Variants in SCAP observed in about 807,000 individuals in gnomAD.
SCAP encodes SREBF chaperone.
SCAP carries 65 observed loss-of-function variants against 123.6 expected under a neutral mutation model. The ratio of observed to expected loss-of-function variants is 0.53; its 90% CI spans 0.43 to 0.65. SCAP has a LOEUF of 0.65. Ranked by LOEUF, SCAP falls within the 30% of genes least tolerant of loss-of-function variation. The pLI is 0.00. For missense variants in SCAP, 1,398 were observed against 1,712.5 expected, an observed-to-expected ratio of 0.82 and a Z score of 3.24; for synonymous variants, 740 against 726.3, an observed-to-expected ratio of 1.02 and a Z score of -0.30.
Position 47,414,380 on chromosome 3 carries a change from C to T in SCAP, c.3394G>A (p.Val1132Met). The change falls in exon 22 of 23, where the codon GTG (valine) becomes ATG (methionine). Residue 1132 changes from valine to methionine, a missense_variant. Transcript: ENST00000265565. ...CCATCTTGTCCTCCACTGGCCAGCA[C>T]CATGGTCTGGGGAAACAGGCCAGGG... is the stretch of plus-strand genomic sequence containing the variant. ...ITTVYIDQTM[V>M]LASGGQDGAI... 1.2e-6 allele frequency: 2 copies of T among 1,612,686 alleles called. No homozygotes were observed. Among genetic ancestry groups the T allele is most frequent in the Non-Finnish European group, 1.7e-6 (2 of 1,180,008 alleles).
intron 1 of SCAP, among the ~76,000 whole-genome samples, chr3:47,446,684 G>A (rs1425812886): frequency 6.6e-6 from 1 of 151,972 alleles, no homozygotes; most frequent in African/African-American, 2.4e-5. Flanking sequence ...ACTCATGCCT[G>A]TAATCCCAAC....
At chr3:47,468,188 A>G (rs1202015544) in intron 1 of SCAP, among the ~76,000 whole-genome samples, 2 of 152,188 alleles carry the variant, frequency 1.3e-5, no homozygotes, top group African/African-American at 4.8e-5. Flanking sequence ...ATACGTGTGC[A>G]TGTGCCTTTA....
At chr3:47,470,836 T>G (rs1708000278) in intron 1 of SCAP, among the ~76,000 whole-genome samples, 1 of 152,122 alleles carries the variant, frequency 6.6e-6, no homozygotes, top group African/African-American at 2.4e-5. Flanking sequence ...CACTCCAGCC[T>G]GGGCGACAAG....
At chr3:47,459,069 T>C (rs1707532196) in intron 1 of SCAP, among the ~76,000 whole-genome samples, 1 of 152,226 alleles carries the variant, frequency 6.6e-6, no homozygotes, top group Non-Finnish European at 1.5e-5. Context: ...CCTCCCAAAG[T>C]ACTGGGATTA....
chr3:47,455,594 C>CAAAAAAAAAAAAAAAAAAAA (rs544006040), intron 1 of SCAP, among the ~76,000 whole-genome samples: 1 of 42,430 alleles, frequency 2.4e-5, no homozygotes, highest in Non-Finnish European at 5.0e-5. Context: ...GACTCCACCT[C>CAAAAAAAAAAAAAAAAAAAA]AAAAAAAAAA....
chr3:47,456,643 T>C (rs1192381632), intron 1 of SCAP, among the ~76,000 whole-genome samples: 4 of 151,734 alleles, frequency 2.6e-5, no homozygotes, highest in East Asian at 1.9e-4. Context: ...TACACGCCTG[T>C]AGTCTCAGCT....
chr3:47,454,833 C>T (rs1287534979), intron 1 of SCAP, among the ~76,000 whole-genome samples: 1 of 151,540 alleles, frequency 6.6e-6, no homozygotes, highest in Non-Finnish European at 1.5e-5. Flanking sequence ...AATCTCAAAG[C>T]TAAAATCAAG....
At chr3:47,425,847 C>A (rs1706104187) in intron 7 of SCAP, 150 bp downstream of exon 7, 1 of 993,282 alleles carries the variant, frequency 1.0e-6, no homozygotes, top group Non-Finnish European at 1.5e-6. Flanking sequence ...GCTCCTAAGA[C>A]CCTGCTGGGG....
upstream of SCAP, among the ~76,000 whole-genome samples, chr3:47,476,727 AG>A (rs1199007404): frequency 6.6e-6 from 1 of 152,132 alleles, no homozygotes; most frequent in Non-Finnish European, 1.5e-5. Context: ...AGGGCCTCAC[AG>A]AAGGGGAAGG....
chr3:47,421,934 G>A (rs1223618907), intron 10 of SCAP, among the ~76,000 whole-genome samples: 2 of 152,284 alleles, frequency 1.3e-5, no homozygotes, highest in Non-Finnish European at 2.9e-5. Flanking sequence ...CCAAGAGCAG[G>A]GTCACTCTGG....
At position 47,474,850 on chromosome 3, in the gene SCAP, T is replaced by C. The variant is rs149398103; in HGVS notation, c.-99+949A>G. ...AGGCATCACTGAGGAACACCTAAAA[T>C]GGATACAGCACTAACTAGACACCCT... On this transcript the variant is annotated intron_variant, in intron 1 of 22. Transcript: ENST00000265565. Among the ~76,000 whole-genome samples the C allele has an allele frequency of 4.4e-3, 671 of 152,290 alleles. 1 individual carries two copies. Among genetic ancestry groups the C allele is most frequent in the Admixed American group, 7.3e-3 (111 of 15,298 alleles).
intron 6 of SCAP, 76 bp downstream of exon 6, chr3:47,427,080 TA>T: frequency 1.9e-6 from 2 of 1,042,880 alleles, no homozygotes; most frequent in Non-Finnish European, 3.0e-6. Flanking sequence ...CAGAACACTC[TA>T]ACCAGAAGAG....
chr3:47,428,655 C>T lies in SCAP; in HGVS notation c.268G>A (p.Val90Met). The change falls in exon 4 of 23, where the codon GTG becomes ATG. Residue 90 changes from valine (V) to methionine (M), a missense_variant. Transcript: ENST00000265565. Reference protein sequence around the residue: ...EQPEWYVGAPVAYVQQIFVKS... With the variant: ...EQPEWYVGAPMAYVQQIFVKS... ...ACAAATATCTGCTGGACATAAGCCACCGGGGCACCCACATACTGCAGAAGA... is the reference window on the plus strand; with the variant it reads ...ACAAATATCTGCTGGACATAAGCCATCGGGGCACCCACATACTGCAGAAGA... The T allele has an allele frequency of 6.2e-7, 1 of 1,614,010 alleles. No individual in the cohort carries two copies.
intron 6 of SCAP, 110 bp downstream of exon 6, chr3:47,427,046 TC>T: frequency 8.1e-6 from 6 of 742,310 alleles, no homozygotes; most frequent in Admixed American, 2.2e-5. Context: ...GCCTGGAAAC[TC>T]TCCCAAGTTT....
At chr3:47,425,658 C>CG in intron 7 of SCAP, 47 bp from the exon 8 acceptor site, 1 of 1,600,124 alleles carries the variant, frequency 6.2e-7, no homozygotes, top group Non-Finnish European at 8.5e-7. Flanking sequence ...CCCCAGCCCC[C>CG]GGCCCACTGG....
intron 7 of SCAP, 76 bp from the exon 8 acceptor site, chr3:47,425,687 G>A (rs1706097334): frequency 6.5e-7 from 1 of 1,526,778 alleles, no homozygotes; most frequent in African/African-American, 1.4e-5. Context: ...GGAGTAGGTT[G>A]CCCTGACAGT....
intron 1 of SCAP, among the ~76,000 whole-genome samples, chr3:47,455,069 A>G (rs1341209660): frequency 1.3e-4 from 3 of 22,502 alleles, no homozygotes; most frequent in Non-Finnish European, 1.9e-4. Context: ...TTACATATAT[A>G]TATATATATA....
chr3:47,466,696 A>G (rs1707841514), intron 1 of SCAP, among the ~76,000 whole-genome samples: 1 of 152,230 alleles, frequency 6.6e-6, no homozygotes, highest in African/African-American at 2.4e-5. Context: ...TTAGAAGAAA[A>G]TATAAGAAAA....
rs1187620974 is a variant in SCAP, at chr3:47,419,605, C to T, written c.1663G>A (p.Glu555Lys). The change falls in exon 13 of 23, where the codon GAG (glutamate) becomes AAG (lysine). Residue 555 changes from glutamate (E) to lysine (K), a missense_variant. Glu to Lys is a moderately conservative substitution (Grantham distance 56). Transcript: ENST00000265565. The surrounding 1 kb of genome is among the most constrained non-coding windows in gnomAD (Gnocchi z 5.0). ...ACGGGCATGGGAGCCAGGGCTCCCTCACCCAATGGGCTCTGTTCCGTCACC... is the reference window on the plus strand; with the variant it reads ...ACGGGCATGGGAGCCAGGGCTCCCTTACCCAATGGGCTCTGTTCCGTCACC... ...AQVTEQSPLG[E>K]GALAPMPVPS... 2.5e-6 allele frequency: 4 copies of T among 1,604,174 alleles called. No individual in the cohort carries two copies. The highest frequency in any genetic ancestry group is 2.2e-5 in the East Asian group (1 of 44,796).
Sources: allele counts gnomAD v4.1 joint callset (sites outside exome capture counted in the v4.1 genomes callset), GRCh38; gene constraint gnomAD v4.1.1; non-coding constraint Gnocchi (gnomAD v3.1); transcripts MANE v1.5; gene names NCBI Gene and HGNC (gene_info 2026-07-23, HGNC 2026-07-21).